RBM45: variants seen among roughly 807,000 people sequenced by gnomAD.
RBM45 encodes RNA-binding protein 45.
RBM45 carries 39 observed loss-of-function variants against 58.5 expected under a neutral mutation model. The observed-to-expected ratio is 0.67, with a 90% CI of 0.52 to 0.87. The LOEUF is 0.87. Among genes scored for constraint, RBM45 ranks in the 40% least tolerant of loss-of-function variants. RBM45 has a pLI of 0.00. For synonymous variants in RBM45, 193 were observed against 203.0 expected, an observed-to-expected ratio of 0.95 and a Z score of 0.42; for missense variants, 481 against 581.6, an observed-to-expected ratio of 0.83 and a Z score of 1.78.
chr2:178,136,153 A>G (rs1191297165), intron 3 of RBM45, among the ~76,000 whole-genome samples: 1 of 152,142 alleles, frequency 6.6e-6, no homozygotes, highest in Non-Finnish European at 1.5e-5. Flanking sequence ...TACTAAAAAT[A>G]CAAAAAATTA....
chr2:178,121,108 G>A, intron 4 of RBM45, 72 bp from the exon 5 acceptor site: 2 of 735,616 alleles, frequency 2.7e-6, no homozygotes, highest in South Asian at 4.1e-5. Context: ...CTGTTTTCTA[G>A]TATTTAAAAT....
At chr2:178,125,343 G>C (rs1332280274) in intron 8 of RBM45, among the ~76,000 whole-genome samples, 4 of 152,148 alleles carry the variant, frequency 2.6e-5, no homozygotes, top group Non-Finnish European at 4.4e-5. Context: ...TTACAACCCA[G>C]GGTGATTGTT....
At chr2:178,126,415 T>C (rs889487235) in intron 9 of RBM45, among the ~76,000 whole-genome samples, 2 of 152,220 alleles carry the variant, frequency 1.3e-5, no homozygotes, top group Admixed American at 1.3e-4. Flanking sequence ...GTTTTTTGTT[T>C]GTGAAATCTT....
chr2:178,137,213 A>G (rs1390532137), exon 4 of RBM45: 1 of 152,236 alleles, frequency 6.6e-6, no homozygotes, highest in Non-Finnish European at 1.5e-5. Flanking sequence ...TAACAGTGGT[A>G]TGAACAGCAA....
chr2:178,128,848 A>T (rs2087970669), intron 9 of RBM45, among the ~76,000 whole-genome samples: 1 of 152,212 alleles, frequency 6.6e-6, no homozygotes, highest in Admixed American at 6.5e-5. Context: ...TTAAATAAAC[A>T]TATTACCTTA....
Position 178,124,270 on chromosome 2 carries a change from C to T in RBM45, c.1212C>T (p.Asp404=), listed in dbSNP as rs199858309. ...TTAATCCTCATCCTTTACCTTTAGA[C>T]GTATTAGAAGATATATTCTGGTAAG... The part of the protein sequence containing the change: ...IVFNPHPLPL[D]VLEDIFCRFG... Residue 404 remains aspartate, a synonymous_variant, in exon 8 of 10, where the codon GAC becomes GAT. Transcript: ENST00000286070. The T allele has an allele frequency of 4.5e-5, 70 of 1,563,606 alleles. No homozygotes were observed. The Admixed American group carries it at 1.2e-3, about 28-fold the overall frequency.
At chr2:178,114,144 A>G (rs62176008) in intron 1 of RBM45, among the ~76,000 whole-genome samples, 2,309 of 152,334 alleles carry the variant, frequency 0.015, 27 homozygotes, top group Non-Finnish European at 0.023. Context: ...TGCAGGCCAC[A>G]TACAGTCTCT....
chr2:178,118,210 CT>C, intron 3 of RBM45, 29 bp downstream of exon 3: 2 of 1,564,038 alleles, frequency 1.3e-6, no homozygotes, highest in Non-Finnish European at 1.7e-6. Flanking sequence ...TTGTTAAAAA[CT>C]TTTGTAAAAA....
intron 9 of RBM45, among the ~76,000 whole-genome samples, chr2:178,127,993 CCT>C (rs1559082307): frequency 9.5e-6 from 1 of 104,882 alleles, no homozygotes; most frequent in Non-Finnish European, 2.0e-5. Flanking sequence ...GTCTCTACGC[CCT>C]TTTTTTTTTT....
chr2:178,126,756 A>G (rs893405715), intron 9 of RBM45, among the ~76,000 whole-genome samples: 9 of 152,178 alleles, frequency 5.9e-5, no homozygotes, highest in South Asian at 2.1e-4. Flanking sequence ...TCGTATGCAT[A>G]TATGTATTTT....
chr2:178,128,149 G>A (rs2087958837), intron 9 of RBM45, among the ~76,000 whole-genome samples: 1 of 151,996 alleles, frequency 6.6e-6, no homozygotes, highest in Non-Finnish European at 1.5e-5. Flanking sequence ...GGGACTACAG[G>A]CATGTGCCAC....
At chr2:178,117,613 C>G (rs2087793768) in intron 2 of RBM45, among the ~76,000 whole-genome samples, 1 of 152,204 alleles carries the variant, frequency 6.6e-6, no homozygotes, top group Non-Finnish European at 1.5e-5. Flanking sequence ...CATGTAAGCA[C>G]TTCACATGTT....
At chr2:178,125,471 A>G (rs2087916504) in intron 8 of RBM45, among the ~76,000 whole-genome samples, 1 of 152,202 alleles carries the variant, frequency 6.6e-6, no homozygotes, top group African/African-American at 2.4e-5. Context: ...ATTTCTCCAC[A>G]GGTGAAAGCT....
At chr2:178,113,015 C>T (rs1263906508) in intron 1 of RBM45, among the ~76,000 whole-genome samples, 169 bp downstream of exon 1, 1 of 152,212 alleles carries the variant, frequency 6.6e-6, no homozygotes, top group African/African-American at 2.4e-5. Context: ...AGGCTCCCCT[C>T]CCACGAAGCT....
At chr2:178,127,989 A>G (rs1454271975) in intron 9 of RBM45, among the ~76,000 whole-genome samples, 1 of 133,106 alleles carries the variant, frequency 7.5e-6, no homozygotes, top group African/African-American at 2.8e-5. Context: ...GCTGGTCTCT[A>G]CGCCCTTTTT....
chr2:178,123,825 C>T lies in RBM45; in HGVS notation c.984-3C>T, dbSNP rs1482077345. ...TCTGTAAATTATCAGTTATTTTTTC[C>T]AGTCTCCTTAGAAAAATGGCAACAC... On this transcript the variant is annotated splice_polypyrimidine_tract_variant and splice_region_variant and intron_variant, in intron 6 of 9. Transcript: ENST00000286070. 6.2e-7 allele frequency: 1 copy of T among 1,612,660 alleles called. No individual in the cohort carries two copies. The highest frequency in any genetic ancestry group is 1.7e-5 in the Admixed American group (1 of 59,728).
chr2:178,115,655 C>A (rs976305302), intron 1 of RBM45, among the ~76,000 whole-genome samples: 4 of 152,104 alleles, frequency 2.6e-5, no homozygotes, highest in African/African-American at 9.7e-5. Flanking sequence ...TGATACAGAG[C>A]CCCCTTTACC....
chr2:178,129,106 G>A (rs2087973810), intron 9 of RBM45, among the ~76,000 whole-genome samples: 1 of 152,114 alleles, frequency 6.6e-6, no homozygotes, highest in Non-Finnish European at 1.5e-5. Flanking sequence ...ATTTTGAGAT[G>A]GGTCTGATAA....
downstream of RBM45, chr2:178,133,828 C>A (rs2088023812): frequency 6.6e-6 from 1 of 152,142 alleles, no homozygotes; most frequent in Non-Finnish European, 1.5e-5. Context: ...TACTTGAATT[C>A]TAATAAATGG....
Sources: allele counts gnomAD v4.1 joint callset (sites outside exome capture counted in the v4.1 genomes callset), GRCh38; gene constraint gnomAD v4.1.1; transcripts MANE v1.5; gene names NCBI Gene and HGNC (gene_info 2026-07-23, HGNC 2026-07-21).